Variants in MED25 observed in about 807,000 individuals in gnomAD.
MED25 encodes mediator of RNA polymerase II transcription subunit 25.
In MED25, 62 loss-of-function variants were observed where a neutral mutation model predicts 89.4. The observed-to-expected ratio is 0.69, with a 90% CI of 0.57 to 0.86. The LOEUF (loss-of-function observed/expected upper bound fraction) is 0.86, where lower values mean the gene tolerates loss of function less well. Among genes scored for constraint, MED25 ranks in the 40% least tolerant of loss-of-function variants. The pLI, the probability that MED25 is intolerant of heterozygous loss-of-function variation, is 0.00. For missense variants in MED25, 905 were observed against 1,005.2 expected (o/e 0.90, Z 1.35); for synonymous variants, 449 against 427.9 (o/e 1.05, Z -0.61).
downstream of MED25, chr19:49,838,305 C>T (rs191940788): frequency 1.3e-4 from 45 of 345,004 alleles, no homozygotes; most frequent in Middle Eastern, 1.1e-3. Context: ...CACACACACA[C>T]GCACACACAC....
chr19:49,820,395 A>G (rs1427777971), intron 3 of MED25, among the ~76,000 whole-genome samples: 1 of 152,258 alleles, frequency 6.6e-6, no homozygotes, highest in Non-Finnish European at 1.5e-5. Flanking sequence ...AACCGTTGCT[A>G]TGCAACCCAG....
At position 49,830,452 on chromosome 19, in the gene MED25, C is replaced by G. The variant is rs1173183319; in HGVS notation, c.820-59C>G. ...ATGGGTGGTGTGACCTCGTGGGATACCAGGACTGGGGGGCCATGGTCCTCA... is the reference window on the plus strand; with the variant it reads ...ATGGGTGGTGTGACCTCGTGGGATAGCAGGACTGGGGGGCCATGGTCCTCA... On this transcript the variant is annotated intron_variant, in intron 7 of 17. Coordinates refer to ENST00000312865, the MANE Select transcript of MED25 (RefSeq NM_030973.4). The surrounding 1 kb of genome is among the most constrained non-coding windows in gnomAD (Gnocchi z 4.6). The G allele has an allele frequency of 6.4e-7, 1 of 1,559,444 alleles. No individual in the cohort carries two copies. The highest frequency in any genetic ancestry group is 1.4e-5 in the African/African-American group (1 of 73,886).
intron 13 of MED25, 78 bp downstream of exon 13, chr19:49,832,493 GT>G: frequency 1.1e-6 from 1 of 910,860 alleles, no homozygotes. Context: ...GAATCCCAGA[GT>G]GCCTGGGCCC....
At chr19:49,828,879 G>A (rs909700941) in intron 4 of MED25, 91 bp from the exon 5 acceptor site, 15 of 1,583,178 alleles carry the variant, frequency 9.5e-6, no homozygotes, top group Non-Finnish European at 1.1e-5. Flanking sequence ...CATGTGAGGC[G>A]GAATATGTGC....
In MED25 at chr19:49,836,018, G is replaced by A; in HGVS notation, c.1965+73G>A. The A allele has an allele frequency of 6.4e-7, 1 of 1,574,344 alleles. No individual in the cohort carries two copies. Among genetic ancestry groups the A allele is most frequent in the Admixed American group, 1.8e-5 (1 of 54,312 alleles). ...TGGTTCTGGTCCTGTTGTCTGGGAG[G>A]AGGGAGGTTGACTGTGGTCAGTGGG... On this transcript the variant is annotated intron_variant, in intron 16 of 17. Coordinates refer to ENST00000312865, the MANE Select transcript of MED25 (RefSeq NM_030973.4). The surrounding 1 kb of genome is among the most constrained non-coding windows in gnomAD (Gnocchi z 5.1).
rs1220988230 is a variant in MED25 at position 49,831,510 on chromosome 19, G to T, written c.1230+49G>T. 6.3e-7 allele frequency: 1 copy of T among 1,595,618 alleles called. No homozygotes were observed. Among genetic ancestry groups the T allele is most frequent in the East Asian group, 2.3e-5 (1 of 44,324 alleles). On this transcript the variant is annotated intron_variant, in intron 10 of 17. Coordinates refer to ENST00000312865, the MANE Select transcript of MED25 (RefSeq NM_030973.4). The surrounding 1 kb of genome is among the most constrained non-coding windows in gnomAD (Gnocchi z 5.0). ...GGCACTTGGGACTCCTGGGGCCGTG[G>T]GGCTGGGCATGTAGGACTCATGGGG... is the stretch of plus-strand genomic sequence containing the variant.
chr19:49,818,955 G>C (rs2073960959), intron 2 of MED25: 9 of 599,296 alleles, frequency 1.5e-5, no homozygotes, highest in Non-Finnish European at 2.1e-5. Context: ...GAGGTGCTGG[G>C]GCCTGGGCTC....
chr19:49,826,858 G>C (rs1470227689), intron 3 of MED25, among the ~76,000 whole-genome samples: 1 of 152,186 alleles, frequency 6.6e-6, no homozygotes, highest in African/African-American at 2.4e-5. Context: ...CTATAGGTGC[G>C]GGCATGGAGC....
chr19:49,821,524 T>C (rs1442719443), intron 3 of MED25, among the ~76,000 whole-genome samples: 1 of 152,146 alleles, frequency 6.6e-6, no homozygotes, highest in African/African-American at 2.4e-5. Flanking sequence ...CCCAGCACTT[T>C]GGGAGGCTGG....
At chr19:49,832,798 C>T in intron 13 of MED25, 1 of 340,862 alleles carries the variant, frequency 2.9e-6, no homozygotes, top group Admixed American at 4.1e-5. Flanking sequence ...AGCCCAAGGT[C>T]AGGGTGTCAG....
At chr19:49,818,548 C>T (rs2073955569) in intron 1 of MED25, 23 bp from the exon 2 acceptor site, 2 of 1,614,116 alleles carry the variant, frequency 1.2e-6, no homozygotes, top group South Asian at 1.1e-5. Flanking sequence ...CTGACTCCGA[C>T]CTTTCACTTC....
chr19:49,838,027 G>A (rs1000175515), downstream of MED25, among the ~76,000 whole-genome samples: 3 of 152,120 alleles, frequency 2.0e-5, no homozygotes, highest in African/African-American at 4.8e-5. Context: ...GGAGCGCAGG[G>A]TGGTCTCTCC....
chr19:49,830,688 C>T lies in MED25; in HGVS notation c.908-6C>T. ...TCCCCACTTCTTCCCTTGGTCTCTC[C>T]CACAGTCTCGCCCATCACCCCTCTC... On this transcript the variant is annotated splice_polypyrimidine_tract_variant and splice_region_variant and intron_variant, in intron 8 of 17. Coordinates refer to ENST00000312865, the MANE Select transcript of MED25 (RefSeq NM_030973.4). This position sits in a 1 kb window ranked among gnomAD's most constrained non-coding sequence, Gnocchi z 4.6. 6.2e-7 allele frequency: 1 copy of T among 1,614,072 alleles called. No individual in the cohort carries two copies.
rs1287606525 is a variant in MED25 at position 49,830,895 on chromosome 19, C to T, written c.1101+8C>T. 6 of 1,599,970 alleles carry T rather than the reference C, an allele frequency of 3.8e-6. No homozygotes were observed. Among genetic ancestry groups the T allele is most frequent in the Admixed American group, 1.7e-5 (1 of 59,908 alleles). On this transcript the variant is annotated splice_region_variant and intron_variant, in intron 9 of 17. Coordinates refer to ENST00000312865, the MANE Select transcript of MED25 (RefSeq NM_030973.4). This position sits in a 1 kb window ranked among gnomAD's most constrained non-coding sequence, Gnocchi z 4.6. ...CCCGGGGCACCGTCCATGGTAGGTGCCTGCACGCCTCCTGCCCCTGCTCCT... is the reference window on the plus strand; with the variant it reads ...CCCGGGGCACCGTCCATGGTAGGTGTCTGCACGCCTCCTGCCCCTGCTCCT...
chr19:49,829,756 C>T lies in MED25; in HGVS notation c.526-30C>T, dbSNP rs531281385. On this transcript the variant is annotated intron_variant, in intron 5 of 17. Coordinates refer to ENST00000312865, the MANE Select transcript of MED25 (RefSeq NM_030973.4). The surrounding 1 kb of genome is among the most constrained non-coding windows in gnomAD (Gnocchi z 4.6). ...CCCCAACACCCTTATGGAGGGGGCC[C>T]GTCATGACTGCTCGGCCCCTCTCCT... 8 of 1,564,574 alleles carry T rather than the reference C, an allele frequency of 5.1e-6. No homozygotes were observed. Among genetic ancestry groups the T allele is most frequent in the East Asian group, 2.4e-5 (1 of 41,742 alleles).
rs755762973 is a variant in MED25 at position 49,835,597 on chromosome 19, C to G, written c.1738C>G (p.Gln580Glu). 1.3e-6 allele frequency: 2 copies of G among 1,562,342 alleles called. No homozygotes were observed. The highest frequency in any genetic ancestry group is 4.8e-5 in the East Asian group (2 of 41,966). ...PILEDQARPS[Q>E]NLLQLRPPQP... ...TCTGGAGGACCAAGCCAGGCCCTCA[C>G]AGAATCTGGTGAGGACAGGGCTGGC... is the stretch of plus-strand genomic sequence containing the variant. The change falls in exon 15 of 18, where the codon CAG becomes GAG. Residue 580 changes from glutamine to glutamate, a missense_variant. Gln to Glu is a conservative substitution (Grantham distance 29, BLOSUM62 2). Coordinates refer to ENST00000312865, the MANE Select transcript of MED25 (RefSeq NM_030973.4). The surrounding 1 kb of genome is among the most constrained non-coding windows in gnomAD (Gnocchi z 6.2).
chr19:49,837,278 G>C (rs759271248), downstream of MED25, among the ~76,000 whole-genome samples: 1 of 152,276 alleles, frequency 6.6e-6, no homozygotes, highest in East Asian at 1.9e-4. Context: ...TCAGCCGTCA[G>C]GCTGGGAGGG....
Position 49,832,427 on chromosome 19 carries a change from G to C in MED25, c.1482+12G>C, listed in dbSNP as rs369550555. 1.4e-6 allele frequency: 2 copies of C among 1,457,072 alleles called. No homozygotes were observed. The highest frequency in any genetic ancestry group is 1.9e-6 in the Non-Finnish European group (2 of 1,041,146). 90.3% of individuals were successfully genotyped at this position (1,457,072 alleles called of 1,614,324 possible). ...TGGGCAACGGCTTCGTGAGTCCAGG[G>C]CATGGGGGGCCGAGGGGTGTTGACT... On this transcript the variant is annotated intron_variant, in intron 13 of 17. Transcript: ENST00000312865.
downstream of MED25, chr19:49,837,097 G>A: frequency 1.4e-6 from 1 of 723,526 alleles, no homozygotes. Context: ...GAATGACGCT[G>A]GGGCCTCCGT....
Sources: gnomAD v4.1 joint callset for allele counts (sites outside exome capture counted in the v4.1 genomes callset) on GRCh38, gnomAD v4.1.1 for gene constraint, Gnocchi (gnomAD v3.1) non-coding constraint, MANE v1.5 for transcripts, NCBI Gene and HGNC (gene_info 2026-07-23, HGNC 2026-07-21) for gene names.